The following PRKACB variants were observed in gnomAD, a reference collection of about 807,000 sequenced individuals.
PRKACB encodes protein kinase cAMP-activated catalytic subunit beta, also known as cAMP-dependent protein kinase catalytic subunit beta.
A neutral mutation model predicts 51.4 loss-of-function variants in PRKACB; 16 were observed. That is an observed-to-expected ratio of 0.31 (90% confidence interval 0.21 to 0.47). The LOEUF is 0.47. Among genes scored for constraint, PRKACB ranks in the 20% least tolerant of loss-of-function variants. PRKACB has a pLI of 1.00. For missense variants in PRKACB, 309 were observed against 464.5 expected, an observed-to-expected ratio of 0.67 and a Z score of 3.08; for synonymous variants, 147 against 154.4, an observed-to-expected ratio of 0.95 and a Z score of 0.35.
intron 5 of PRKACB, among the ~76,000 whole-genome samples, chr1:84,189,416 A>T (rs1666095786): frequency 2.0e-5 from 3 of 151,812 alleles, no homozygotes. Flanking sequence ...TAGGCCTTTA[A>T]GATAAACGTT....
rs1676803385 is a variant in PRKACB at position 84,238,001 on chromosome 1, C to G, written c.*2696C>G. On this transcript the variant is annotated 3_prime_UTR_variant, in exon 10 of 10. Transcript: ENST00000370685. ...GGGTATATTGCTTTGAAGTAAGTCTCAATAAGGCAATATATTTTAGGGCAT... is the reference window on the plus strand; with the variant it reads ...GGGTATATTGCTTTGAAGTAAGTCTGAATAAGGCAATATATTTTAGGGCAT... 1 of 152,102 alleles carries G rather than the reference C, an allele frequency of 6.6e-6. No individual in the cohort carries two copies. Among genetic ancestry groups the G allele is most frequent in the South Asian group, 2.1e-4 (1 of 4,832 alleles). The allele number at this position is 152,102 out of a possible 1,614,324, so 9.4% of individuals were successfully genotyped here.
At chr1:84,149,867 T>A (rs1337270817) in intron 1 of PRKACB, among the ~76,000 whole-genome samples, 3 of 152,174 alleles carry the variant, frequency 2.0e-5, no homozygotes, top group African/African-American at 7.2e-5. Flanking sequence ...AACATGCATA[T>A]CTTTTTGGAG....
At chr1:84,117,717 A>G (rs1001660900) in intron 1 of PRKACB, among the ~76,000 whole-genome samples, 7 of 152,122 alleles carry the variant, frequency 4.6e-5, no homozygotes, top group Non-Finnish European at 8.8e-5. Flanking sequence ...CAGTTTATCA[A>G]TTTTGTTTGT....
intron 4 of PRKACB, 121 bp from the exon 5 acceptor site, chr1:84,184,979 T>C (rs1664669231): frequency 2.1e-6 from 1 of 485,014 alleles, no homozygotes. Context: ...ATTTATTCTT[T>C]ATTTCTCAAG....
At chr1:84,088,568 T>A (rs1648205031) in intron 1 of PRKACB, among the ~76,000 whole-genome samples, 1 of 152,188 alleles carries the variant, frequency 6.6e-6, no homozygotes, top group East Asian at 1.9e-4. Flanking sequence ...GCTCTACTGG[T>A]AACTTAGCTC....
intron 1 of PRKACB, among the ~76,000 whole-genome samples, chr1:84,089,035 G>A (rs1341977627): frequency 6.6e-6 from 1 of 152,106 alleles, no homozygotes; most frequent in East Asian, 1.9e-4. Context: ...ATCTATAATT[G>A]TAGCACTTGT....
chr1:84,182,746 C>A (rs868312017), intron 3 of PRKACB, among the ~76,000 whole-genome samples: 11 of 151,092 alleles, frequency 7.3e-5, no homozygotes, highest in African/African-American at 1.9e-4. Flanking sequence ...TATGCAAAGC[C>A]TCTGTCATTT....
chr1:84,148,053 C>T lies in PRKACB; in HGVS notation c.187+3505C>T, dbSNP rs373419342. ...ATGTGTATAGCTACTATACATCTTCCGTTTTTGCTGGGCATTTAATTAGAA... is the reference window on the plus strand; with the variant it reads ...ATGTGTATAGCTACTATACATCTTCTGTTTTTGCTGGGCATTTAATTAGAA... On this transcript the variant is annotated intron_variant, in intron 1 of 9. Coordinates refer to ENST00000370685, the MANE Select transcript of PRKACB (RefSeq NM_182948.4). Among the ~76,000 whole-genome samples, 3 of 152,066 alleles carry T rather than the reference C, an allele frequency of 2.0e-5. No homozygotes were observed. The East Asian group carries it at 5.8e-4, about 29-fold the overall frequency.
intron 9 of PRKACB, among the ~76,000 whole-genome samples, chr1:84,229,783 AT>A (rs1265446722): frequency 1.9e-4 from 28 of 150,246 alleles, no homozygotes; most frequent in African/African-American, 2.9e-4. Flanking sequence ...GGGGTTGTTT[AT>A]TTTTTTCTTG....
intron 1 of PRKACB, among the ~76,000 whole-genome samples, chr1:84,148,659 A>C (rs1022758854): frequency 1.4e-4 from 21 of 152,196 alleles, no homozygotes; most frequent in African/African-American, 5.1e-4. Flanking sequence ...AAAGCAGTCA[A>C]ATGCTGACCT....
chr1:84,190,248 A>G (rs759286228), intron 5 of PRKACB, among the ~76,000 whole-genome samples: 22 of 152,028 alleles, frequency 1.4e-4, no homozygotes, highest in Non-Finnish European at 2.2e-4. Flanking sequence ...CTTATTTGTT[A>G]TGGCCCAGAC....
intron 1 of PRKACB, among the ~76,000 whole-genome samples, chr1:84,117,473 C>A (rs959889702): frequency 6.6e-6 from 1 of 152,058 alleles, no homozygotes; most frequent in African/African-American, 2.4e-5. Flanking sequence ...CTGATTCAAT[C>A]TCTCTGCTTG....
intron 7 of PRKACB, among the ~76,000 whole-genome samples, chr1:84,201,971 A>C (rs1387691537): frequency 6.6e-6 from 1 of 152,098 alleles, no homozygotes; most frequent in African/African-American, 2.4e-5. Context: ...TTTGCAAAGC[A>C]CTTTTTACAC....
intron 1 of PRKACB, among the ~76,000 whole-genome samples, chr1:84,124,959 A>G (rs1651442061): frequency 6.6e-6 from 1 of 152,180 alleles, no homozygotes; most frequent in Non-Finnish European, 1.5e-5. Flanking sequence ...TACTCTGGAA[A>G]TAGAATCCCA....
intron 9 of PRKACB, among the ~76,000 whole-genome samples, chr1:84,216,010 A>G (rs771788016): frequency 9.2e-5 from 14 of 152,136 alleles, no homozygotes; most frequent in African/African-American, 3.4e-4. Flanking sequence ...TTAAAAGCAC[A>G]GTTTTTCTAA....
intron 9 of PRKACB, 87 bp from the exon 10 acceptor site, chr1:84,235,093 C>T: frequency 7.2e-7 from 1 of 1,391,374 alleles, no homozygotes; most frequent in Non-Finnish European, 9.8e-7. Flanking sequence ...CGTGTAATAA[C>T]AGTGGGAATT....
chr1:84,232,493 T>A (rs1675876929), intron 9 of PRKACB, among the ~76,000 whole-genome samples: 1 of 152,178 alleles, frequency 6.6e-6, no homozygotes, highest in Admixed American at 6.5e-5. Context: ...CATTGATCTG[T>A]CTAATGTTGA....
Position 84,235,454 on chromosome 1 carries a change from C to G in PRKACB, c.*149C>G, listed in dbSNP as rs991937789. Reference sequence around the variant, plus strand: ...GTCTTTATTGCCATCATCCCGTGTGCGCACTCTGCATCCACCTATGTAACA... The same window carrying G: ...GTCTTTATTGCCATCATCCCGTGTGGGCACTCTGCATCCACCTATGTAACA... On this transcript the variant is annotated 3_prime_UTR_variant, in exon 10 of 10. Coordinates refer to ENST00000370685, the MANE Select transcript of PRKACB (RefSeq NM_182948.4). The G allele has an allele frequency of 2.0e-6, 2 of 996,272 alleles. No homozygotes were observed. Among genetic ancestry groups the G allele is most frequent in the African/African-American group, 3.3e-5 (2 of 60,842 alleles). 61.7% of individuals were successfully genotyped at this position (996,272 alleles called of 1,614,324 possible).
At chr1:84,180,671 G>A (rs1385448761) in intron 2 of PRKACB, among the ~76,000 whole-genome samples, 1 of 151,966 alleles carries the variant, frequency 6.6e-6, no homozygotes, top group Admixed American at 6.6e-5. Flanking sequence ...TCTCACTAAA[G>A]AATTCTAAGT....
Sources: allele counts gnomAD v4.1 joint callset (sites outside exome capture counted in the v4.1 genomes callset), GRCh38; gene constraint gnomAD v4.1.1; transcripts MANE v1.5; gene names NCBI Gene and HGNC (gene_info 2026-07-23, HGNC 2026-07-21).